SLC14A2: variants seen among roughly 807,000 people sequenced by gnomAD.
The protein encoded by SLC14A2 is urea transporter 2.
A neutral mutation model predicts 104.6 loss-of-function variants in SLC14A2; 91 were observed. The ratio of observed to expected loss-of-function variants is 0.87; its 90% CI spans 0.73 to 1.04. The LOEUF (loss-of-function observed/expected upper bound fraction) is 1.04, where lower values mean the gene tolerates loss of function less well. SLC14A2 is among the 50% of genes least tolerant of loss of function. The probability of loss-of-function intolerance (pLI) is 0.00; values close to 1 mark genes in which losing one functional copy is unlikely to be tolerated. For synonymous variants in SLC14A2, 476 were observed against 466.4 expected (o/e 1.02, Z -0.27); for missense variants, 1,189 against 1,156.0 (o/e 1.03, Z -0.41).
At chr18:45,403,803 A>C (rs1391418840) in intron 1 of SLC14A2, among the ~76,000 whole-genome samples, 2 of 152,188 alleles carry the variant, frequency 1.3e-5, no homozygotes, top group Non-Finnish European at 2.9e-5. Flanking sequence ...TGGACATTCT[A>C]TGAGTCAGAT....
chr18:45,208,949 G>C (rs1212941675), upstream of SLC14A2, among the ~76,000 whole-genome samples: 2 of 151,442 alleles, frequency 1.3e-5, no homozygotes, highest in Admixed American at 1.3e-4. Flanking sequence ...TGTCAGAACT[G>C]GCTTTGAATC....
chr18:45,625,343 A>G (rs1411277490), intron 2 of SLC14A2, among the ~76,000 whole-genome samples: 1 of 152,164 alleles, frequency 6.6e-6, no homozygotes, highest in African/African-American at 2.4e-5. Context: ...TAAGATTATA[A>G]CTGCATTTCA....
chr18:45,576,729 A>C (rs1419171337), intron 2 of SLC14A2, among the ~76,000 whole-genome samples: 2 of 152,096 alleles, frequency 1.3e-5, no homozygotes, highest in Non-Finnish European at 2.9e-5. Context: ...TTTAAAATTT[A>C]GCCCGCATTA....
Position 45,350,308 on chromosome 18 carries a change from C to G in SLC14A2, c.-124-132925C>G, listed in dbSNP as rs2085490186. ...ATTACTAACATACACTAAACAGTCA[C>G]CATTTTTGATATCTCTGATTCCTGA... On this transcript the variant is annotated intron_variant, in intron 1 of 20. Coordinates refer to the SLC14A2 transcript ENST00000586448. Among the ~76,000 whole-genome samples the G allele has an allele frequency of 2.6e-5, 4 of 152,220 alleles. No individual in the cohort carries two copies. In the South Asian group the frequency reaches 8.3e-4, roughly 31 times the overall value.
chr18:45,206,096 G>GAT, the SLC14A2 span, among the ~76,000 whole-genome samples: 1 of 152,236 alleles, frequency 6.6e-6, no homozygotes, highest in African/African-American at 2.4e-5. Flanking sequence ...GTTTATGTGA[G>GAT]ATAGTGGTCA....
At chr18:45,514,367 T>C (rs554445670) in intron 2 of SLC14A2, among the ~76,000 whole-genome samples, 1 of 152,166 alleles carries the variant, frequency 6.6e-6, no homozygotes, top group African/African-American at 2.4e-5. Context: ...AACTCCACCA[T>C]GAGACAACAC....
the SLC14A2 span, among the ~76,000 whole-genome samples, chr18:45,174,057 T>C: frequency 1.3e-5 from 2 of 152,282 alleles, no homozygotes; most frequent in East Asian, 1.9e-4. Flanking sequence ...TGTGAGTGTA[T>C]GTTACCAGGT....
intron 1 of SLC14A2, among the ~76,000 whole-genome samples, chr18:45,623,450 G>A (rs1168307700): frequency 6.6e-6 from 1 of 152,154 alleles, no homozygotes; most frequent in Non-Finnish European, 1.5e-5. Flanking sequence ...AGTCAGTAAC[G>A]CAGCAGTGGG....
chr18:45,366,414 C>A (rs1023728221), intron 1 of SLC14A2, among the ~76,000 whole-genome samples: 2 of 152,176 alleles, frequency 1.3e-5, no homozygotes, highest in East Asian at 1.9e-4. Context: ...ATCAGAGAGA[C>A]AAAGGCACCA....
intron 4 of SLC14A2, among the ~76,000 whole-genome samples, chr18:45,632,094 G>C (rs759199258): frequency 6.6e-6 from 1 of 151,886 alleles, no homozygotes; most frequent in Admixed American, 6.6e-5. Context: ...CACAGACAAA[G>C]TGCATAATTT....
At chr18:45,241,349 C>T (rs2084313702) in intron 1 of SLC14A2, among the ~76,000 whole-genome samples, 1 of 152,078 alleles carries the variant, frequency 6.6e-6, no homozygotes, top group Non-Finnish European at 1.5e-5. Flanking sequence ...GTGAGAGGAG[C>T]GAGAATGAAG....
chr18:45,187,123 A>G, the SLC14A2 span, among the ~76,000 whole-genome samples: 1 of 152,186 alleles, frequency 6.6e-6, no homozygotes, highest in African/African-American at 2.4e-5. Flanking sequence ...CCACCCAGGA[A>G]TATTCTGCAT....
intron 2 of SLC14A2, among the ~76,000 whole-genome samples, chr18:45,488,994 T>C (rs536640306): frequency 1.3e-5 from 2 of 152,288 alleles, no homozygotes; most frequent in East Asian, 3.9e-4. Context: ...ATATTATTTT[T>C]GAAAAAGATT....
At chr18:45,251,264 G>A (rs1375890949) in intron 1 of SLC14A2, among the ~76,000 whole-genome samples, 2 of 152,186 alleles carry the variant, frequency 1.3e-5, no homozygotes, top group Non-Finnish European at 2.9e-5. Flanking sequence ...ACTTATGAGT[G>A]AGAACATACT....
At chr18:45,391,154 C>G (rs1318496853) in intron 1 of SLC14A2, among the ~76,000 whole-genome samples, 1 of 152,066 alleles carries the variant, frequency 6.6e-6, no homozygotes, top group Non-Finnish European at 1.5e-5. Flanking sequence ...TGTTCAATTC[C>G]CACCTATGAG....
chr18:45,450,060 A>G (rs759123728), intron 1 of SLC14A2, among the ~76,000 whole-genome samples: 2 of 152,236 alleles, frequency 1.3e-5, no homozygotes, highest in Non-Finnish European at 2.9e-5. Flanking sequence ...CGCTTCTTCT[A>G]TGAACCATTT....
chr18:45,321,621 C>T lies in SLC14A2; in HGVS notation c.-125+108430C>T, dbSNP rs138168238. 7.2e-5 allele frequency among the ~76,000 whole-genome samples: 11 copies of T among 152,226 alleles called. No individual in the cohort carries two copies. In the East Asian group the frequency reaches 1.9e-3, roughly 27 times the overall value. On this transcript the variant is annotated intron_variant, in intron 1 of 20. Transcript: ENST00000586448. Reference sequence around the variant, plus strand: ...ACAGAGTCCCTATAAACAGCAGTCCCGGAATTATCCTCCAGCGCCCGTGCT... The same window carrying T: ...ACAGAGTCCCTATAAACAGCAGTCCTGGAATTATCCTCCAGCGCCCGTGCT...
intron 10 of SLC14A2, among the ~76,000 whole-genome samples, chr18:45,649,180 A>AAAAAACAAAAAAC (rs112366405): frequency 1.5e-4 from 23 of 151,070 alleles, no homozygotes; most frequent in African/African-American, 5.6e-4. Context: ...TCTCAAAAAC[A>AAAAAACAAAAAAC]AAAAACAAAA....
intron 1 of SLC14A2, among the ~76,000 whole-genome samples, chr18:45,324,867 G>A (rs556007773): frequency 2.6e-5 from 4 of 152,082 alleles, no homozygotes; most frequent in African/African-American, 9.6e-5. Context: ...ATGTTTCAAC[G>A]CCGTAACTCG....
Sources: gnomAD v4.1 joint callset for allele counts (sites outside exome capture counted in the v4.1 genomes callset) on GRCh38, gnomAD v4.1.1 for gene constraint, MANE v1.5 for transcripts, NCBI Gene and HGNC (gene_info 2026-07-23, HGNC 2026-07-21) for gene names.